UBE3C: variants seen among roughly 807,000 people sequenced by gnomAD.
The protein encoded by UBE3C is ubiquitin protein ligase E3C, also known as ubiquitin-protein ligase E3C.
A neutral mutation model predicts 129.4 loss-of-function variants in UBE3C; 42 were observed. That is an observed-to-expected ratio of 0.32 (90% CI 0.25 to 0.42). The LOEUF (loss-of-function observed/expected upper bound fraction) is 0.42, where lower values mean the gene tolerates loss of function less well. Among genes scored for constraint, UBE3C ranks in the 10% least tolerant of loss-of-function variants. The pLI, the probability that UBE3C is intolerant of heterozygous loss-of-function variation, is 1.00. For missense variants in UBE3C, 1,049 were observed against 1,319.1 expected (o/e 0.80, Z 3.17); for synonymous variants, 510 against 492.4 (o/e 1.04, Z -0.47).
rs185508619 is a variant in UBE3C at position 157,194,559 on chromosome 7, G to A, written c.1332-7162G>A. On this transcript the variant is annotated intron_variant, in intron 10 of 22. Transcript: ENST00000348165. ...GTCGAGGCTGGAAGAATTCTGAGGCGCATGCCAGAAAGAAGCCAAATTGCC... is the reference window on the plus strand; with the variant it reads ...GTCGAGGCTGGAAGAATTCTGAGGCACATGCCAGAAAGAAGCCAAATTGCC... Among the ~76,000 whole-genome samples, 21 of 152,288 alleles carry A rather than the reference G, an allele frequency of 1.4e-4. No individual in the cohort carries two copies. The South Asian group carries it at 1.7e-3, about 12-fold the overall frequency.
chr7:157,182,517 T>C (rs1808693894), intron 8 of UBE3C, among the ~76,000 whole-genome samples, 189 bp downstream of exon 8: 1 of 152,128 alleles, frequency 6.6e-6, no homozygotes, highest in Non-Finnish European at 1.5e-5. Context: ...TGGAAAAGAC[T>C]GACATATATA....
intron 4 of UBE3C, among the ~76,000 whole-genome samples, chr7:157,172,657 G>A (rs1350313800): frequency 2.0e-5 from 3 of 152,148 alleles, no homozygotes; most frequent in Non-Finnish European, 4.4e-5. Context: ...TACCCATTCT[G>A]GACTTCAGTT....
chr7:157,192,428 G>T, intron 10 of UBE3C: 1 of 729,048 alleles, frequency 1.4e-6, no homozygotes, highest in Non-Finnish European at 2.5e-6. Context: ...TGAACCCTTG[G>T]ATATGATAGA....
chr7:157,203,546 CA>C (rs1205863605), intron 11 of UBE3C, among the ~76,000 whole-genome samples: 3 of 152,192 alleles, frequency 2.0e-5, no homozygotes, highest in Non-Finnish European at 4.4e-5. Context: ...AGCTTAGCAA[CA>C]GAAACACTGT....
intron 18 of UBE3C, 144 bp from the exon 19 acceptor site, chr7:157,248,224 A>T (rs1355370636): frequency 1.4e-6 from 1 of 727,376 alleles, no homozygotes; most frequent in South Asian, 1.9e-5. Context: ...CTGCCCACTG[A>T]ATATCAGCTT....
chr7:157,261,508 AGT>A (rs747003186), intron 22 of UBE3C, among the ~76,000 whole-genome samples: 2 of 151,996 alleles, frequency 1.3e-5, no homozygotes, highest in Non-Finnish European at 2.9e-5. Context: ...TTCCATGATA[AGT>A]GTTTTTGAAG....
chr7:157,225,976 T>A (rs1795868710), intron 17 of UBE3C, among the ~76,000 whole-genome samples: 1 of 152,152 alleles, frequency 6.6e-6, no homozygotes, highest in African/African-American at 2.4e-5. Flanking sequence ...AAGTCAGATT[T>A]GGGAGACATG....
chr7:157,214,676 G>A (rs78543956), intron 13 of UBE3C, among the ~76,000 whole-genome samples: 1 of 152,324 alleles, frequency 6.6e-6, no homozygotes, highest in Non-Finnish European at 1.5e-5. Context: ...TTGTACTTCT[G>A]TTCCTTTTAG....
At chr7:157,200,628 AATTTTTATTT>A (rs1300371507) in intron 10 of UBE3C, among the ~76,000 whole-genome samples, 5 of 152,096 alleles carry the variant, frequency 3.3e-5, no homozygotes, top group African/African-American at 1.2e-4. Flanking sequence ...AAAAGTTTTT[AATTTTTATTT>A]ATTTTTATTG....
intron 1 of UBE3C, among the ~76,000 whole-genome samples, chr7:157,149,734 A>G (rs566717163): frequency 5.3e-5 from 8 of 152,274 alleles, no homozygotes; most frequent in South Asian, 2.1e-4. Flanking sequence ...AATAGCCTCA[A>G]AAGAAGTTCT....
intron 22 of UBE3C, among the ~76,000 whole-genome samples, chr7:157,265,700 G>T (rs78930357): frequency 4.6e-5 from 7 of 152,164 alleles, no homozygotes; most frequent in Non-Finnish European, 7.3e-5. Flanking sequence ...TGTGCTCACC[G>T]TCTCAATTTT....
chr7:157,207,831 C>A lies in UBE3C; in HGVS notation c.1705C>A (p.Arg569=). 6.2e-7 allele frequency: 1 copy of A among 1,613,876 alleles called. No homozygotes were observed. The highest frequency in any genetic ancestry group is 8.5e-7 in the Non-Finnish European group (1 of 1,179,990). Residue 569 remains arginine, a synonymous_variant, in exon 13 of 23, where the codon CGA becomes AGA. Coordinates refer to ENST00000348165, the MANE Select transcript of UBE3C (RefSeq NM_014671.3). Reference sequence around the variant, plus strand: ...TTATCCAGAAACCAAGCCAGAAGTTCGAGAAGAATATATTACAGCATTTCA... The same window carrying A: ...TTATCCAGAAACCAAGCCAGAAGTTAGAGAAGAATATATTACAGCATTTCA... ...LAYPETKPEV[R]EEYITAFQSI...
chr7:157,176,191 GT>G (rs1235159878), intron 5 of UBE3C, among the ~76,000 whole-genome samples: 1 of 152,212 alleles, frequency 6.6e-6, no homozygotes, highest in Non-Finnish European at 1.5e-5. Context: ...AAGCCCAGGA[GT>G]TCGAGGCTGC....
chr7:157,266,111 G>A (rs907432761), intron 22 of UBE3C, among the ~76,000 whole-genome samples: 3 of 152,036 alleles, frequency 2.0e-5, no homozygotes, highest in African/African-American at 4.8e-5. Context: ...TCAGGAGATC[G>A]AGATCATCCT....
chr7:157,139,398 C>G lies in UBE3C; in HGVS notation c.66+60C>G, dbSNP rs1280620472. 1.3e-6 allele frequency: 1 copy of G among 749,628 alleles called. No homozygotes were observed. Among genetic ancestry groups the G allele is most frequent in the African/African-American group, 1.8e-5 (1 of 55,556 alleles). 46.4% of individuals were successfully genotyped at this position (749,628 alleles called of 1,614,324 possible). A position where few individuals can be genotyped will look rare whatever the true frequency, so the allele number is the denominator to read the frequency against. On this transcript the variant is annotated intron_variant, in intron 1 of 22. Transcript: ENST00000348165. ...GGGCCTGCGCGGCCGGGGCTCGGGG[C>G]TGGGACTCGGGGCTGGACTCGGGGC...
chr7:157,238,779 C>T (rs574388369), intron 18 of UBE3C, among the ~76,000 whole-genome samples: 62 of 152,176 alleles, frequency 4.1e-4, no homozygotes, highest in South Asian at 3.9e-3. Context: ...GAACTGAGCC[C>T]CAGGGCTCTC....
intron 15 of UBE3C, 58 bp from the exon 16 acceptor site, chr7:157,223,196 A>G: frequency 6.6e-7 from 1 of 1,519,928 alleles, no homozygotes; most frequent in South Asian, 1.1e-5. Context: ...AAGAATTGTC[A>G]GTGGGAATGC....
intron 1 of UBE3C, among the ~76,000 whole-genome samples, chr7:157,143,219 C>T (rs1327671299): frequency 2.0e-5 from 3 of 151,976 alleles, no homozygotes; most frequent in Admixed American, 2.0e-4. Flanking sequence ...TTTCTGACAT[C>T]GGGATACACA....
intron 1 of UBE3C, among the ~76,000 whole-genome samples, chr7:157,150,657 AT>A (rs1807732620): frequency 6.6e-6 from 1 of 152,244 alleles, no homozygotes; most frequent in South Asian, 2.1e-4. Flanking sequence ...TCTGTCATTA[AT>A]TTATTAACAT....
Sources: gnomAD v4.1 joint callset for allele counts (sites outside exome capture counted in the v4.1 genomes callset) on GRCh38, gnomAD v4.1.1 for gene constraint, MANE v1.5 for transcripts, NCBI Gene and HGNC (gene_info 2026-07-23, HGNC 2026-07-21) for gene names.